The following VPS54 variants were observed in gnomAD, a reference collection of about 807,000 sequenced individuals.
The protein encoded by VPS54 is vacuolar protein sorting-associated protein 54.
VPS54 carries 45 observed loss-of-function variants against 121.5 expected under a neutral mutation model. That is an observed-to-expected ratio of 0.37 (90% CI 0.29 to 0.47). VPS54 has a LOEUF of 0.47. Ranked by LOEUF, VPS54 falls within the 20% of genes least tolerant of loss-of-function variation. The probability of loss-of-function intolerance (pLI) is 0.99; values close to 1 mark genes in which losing one functional copy is unlikely to be tolerated. For synonymous variants in VPS54, 371 were observed against 385.8 expected (o/e 0.96, Z 0.45); for missense variants, 1,090 against 1,131.4 (o/e 0.96, Z 0.52).
intron 9 of VPS54, among the ~76,000 whole-genome samples, chr2:63,945,611 C>G (rs1171283791): frequency 6.6e-6 from 1 of 152,090 alleles, no homozygotes; most frequent in East Asian, 1.9e-4. Context: ...TCTTATGTAT[C>G]TCTCACAGTG....
chr2:63,919,612 T>C (rs1307516939), intron 15 of VPS54, among the ~76,000 whole-genome samples: 1 of 152,088 alleles, frequency 6.6e-6, no homozygotes, highest in African/African-American at 2.4e-5. Context: ...AAAGAAACAA[T>C]AGTACCTGTA....
At chr2:64,017,930 A>G (rs1559063101) in intron 1 of VPS54, among the ~76,000 whole-genome samples, 1 of 152,212 alleles carries the variant, frequency 6.6e-6, no homozygotes, top group Non-Finnish European at 1.5e-5. Flanking sequence ...AGTCAAACAA[A>G]TCCCATCATT....
intron 12 of VPS54, among the ~76,000 whole-genome samples, chr2:63,924,516 G>A (rs1040375411): frequency 6.6e-6 from 1 of 152,144 alleles, no homozygotes; most frequent in Non-Finnish European, 1.5e-5. Flanking sequence ...TAATCTCCCA[G>A]ATATTAATAT....
In VPS54 at chr2:63,922,244, T is replaced by C. The variant is rs139790997; in HGVS notation, c.1740-909A>G. On this transcript the variant is annotated intron_variant, in intron 12 of 22. Transcript: ENST00000272322. Reference sequence around the variant, plus strand: ...TTAAACATTTTCCCCCAGGGGCATATATAAAGACCAATGATTCCATGCCAT... The same window carrying C: ...TTAAACATTTTCCCCCAGGGGCATACATAAAGACCAATGATTCCATGCCAT... Among the ~76,000 whole-genome samples the C allele has an allele frequency of 3.6e-3, 550 of 152,334 alleles. 2 individuals carry two copies. The highest frequency in any genetic ancestry group is 0.01 in the Middle Eastern group (3 of 294).
chr2:63,976,823 C>CTTTT (rs1481086180), intron 3 of VPS54, among the ~76,000 whole-genome samples: 14 of 68,032 alleles, frequency 2.1e-4, no homozygotes, highest in Non-Finnish European at 2.0e-4. Flanking sequence ...CTTATATCTT[C>CTTTT]TCTTTTTTTT....
chr2:63,987,114 G>C (rs1003850542), intron 1 of VPS54, among the ~76,000 whole-genome samples: 1 of 152,162 alleles, frequency 6.6e-6, no homozygotes, highest in Non-Finnish European at 1.5e-5. Context: ...GCCTGTGCTT[G>C]TGGGGTATTT....
chr2:63,973,040 G>T (rs1676359122), intron 3 of VPS54, among the ~76,000 whole-genome samples: 2 of 152,082 alleles, frequency 1.3e-5, no homozygotes, highest in African/African-American at 4.8e-5. Context: ...GTGAAGTGTG[G>T]TAACAAGAAA....
intron 22 of VPS54, 39 bp downstream of exon 22, chr2:63,897,457 C>T (rs764974275): frequency 7.2e-5 from 97 of 1,340,648 alleles, no homozygotes; most frequent in Admixed American, 8.2e-5. Flanking sequence ...TAAAACAATT[C>T]GATATGGGAG....
At position 63,892,282 on chromosome 2, in the gene VPS54, A is replaced by G. The variant is rs1213237691; in HGVS notation, c.*1148T>C. 3 of 152,338 alleles carry G rather than the reference A, an allele frequency of 2.0e-5. No homozygotes were observed. Among genetic ancestry groups the G allele is most frequent in the African/African-American group, 7.2e-5 (3 of 41,582 alleles). 9.4% of individuals were successfully genotyped at this position (152,338 alleles called of 1,614,324 possible). On this transcript the variant is annotated 3_prime_UTR_variant, in exon 23 of 23. Coordinates refer to ENST00000272322, the MANE Select transcript of VPS54 (RefSeq NM_016516.3). ...ACAAAATAAGACTGTTTCATTATAC[A>G]TAATCACCACAGGATATTAGGCACT...
intron 20 of VPS54, among the ~76,000 whole-genome samples, chr2:63,903,671 C>A (rs1318431407): frequency 6.6e-6 from 1 of 152,034 alleles, no homozygotes; most frequent in Non-Finnish European, 1.5e-5. Context: ...AAAGTTCTTA[C>A]ACAATCAGGG....
chr2:63,983,151 T>A (rs1002813510), intron 2 of VPS54, among the ~76,000 whole-genome samples: 1 of 145,730 alleles, frequency 6.9e-6, no homozygotes, highest in Non-Finnish European at 1.5e-5. Flanking sequence ...CATTTCCAAA[T>A]GATTTTTTTT....
At chr2:63,992,799 C>T (rs1054390668) in intron 1 of VPS54, among the ~76,000 whole-genome samples, 1 of 152,186 alleles carries the variant, frequency 6.6e-6, no homozygotes, top group African/African-American at 2.4e-5. Context: ...TAAAAATTGG[C>T]CTCTCATAGT....
chr2:63,899,681 C>T, intron 20 of VPS54, 100 bp from the exon 21 acceptor site: 1 of 912,966 alleles, frequency 1.1e-6, no homozygotes, highest in South Asian at 1.6e-5. Flanking sequence ...TCCACATATC[C>T]AATTCTGGCA....
intron 1 of VPS54, among the ~76,000 whole-genome samples, chr2:63,996,385 A>C (rs532886805): frequency 6.6e-6 from 1 of 152,292 alleles, no homozygotes; most frequent in South Asian, 2.1e-4. Context: ...CATCATCCTT[A>C]TAAGCTGAGG....
chr2:64,011,281 G>C (rs894295044), intron 1 of VPS54, among the ~76,000 whole-genome samples: 1 of 152,020 alleles, frequency 6.6e-6, no homozygotes, highest in African/African-American at 2.4e-5. Flanking sequence ...TTAAAATTAA[G>C]GGGAGGCCGG....
chr2:64,001,304 G>A (rs1677865641), intron 1 of VPS54, among the ~76,000 whole-genome samples: 1 of 152,166 alleles, frequency 6.6e-6, no homozygotes, highest in Non-Finnish European at 1.5e-5. Flanking sequence ...GTCCAGAAAT[G>A]CTGTCCAAGA....
At chr2:63,915,385 A>C (rs1170563013) in intron 16 of VPS54, among the ~76,000 whole-genome samples, 1 of 152,162 alleles carries the variant, frequency 6.6e-6, no homozygotes, top group African/African-American at 2.4e-5. Context: ...CTAATGATTC[A>C]AGAAAGATGG....
At chr2:63,967,191 G>A (rs939512508) in intron 5 of VPS54, among the ~76,000 whole-genome samples, 3 of 151,848 alleles carry the variant, frequency 2.0e-5, no homozygotes, top group Non-Finnish European at 4.4e-5. Context: ...TTTATTTACT[G>A]ATTTATTTTA....
At chr2:64,015,510 C>A (rs918168827) in intron 1 of VPS54, among the ~76,000 whole-genome samples, 3 of 152,174 alleles carry the variant, frequency 2.0e-5, no homozygotes, top group African/African-American at 7.2e-5. Flanking sequence ...TACAATGGTA[C>A]CATTGACATT....
Sources: gnomAD v4.1 joint callset for allele counts (sites outside exome capture counted in the v4.1 genomes callset) on GRCh38, gnomAD v4.1.1 for gene constraint, MANE v1.5 for transcripts, NCBI Gene and HGNC (gene_info 2026-07-23, HGNC 2026-07-21) for gene names.